The following RBFOX1 variants were observed in gnomAD, a reference collection of about 807,000 sequenced individuals.
RBFOX1 encodes the protein RNA binding protein fox-1 homolog 1.
RBFOX1 carries 8 observed loss-of-function variants against 57.7 expected under a neutral mutation model. That is an observed-to-expected ratio of 0.14 (90% CI 0.08 to 0.25). The LOEUF is 0.25. Ranked by LOEUF, RBFOX1 falls within the 10% of genes least tolerant of loss-of-function variation. The pLI is 1.00. For synonymous variants in RBFOX1, 326 were observed against 222.4 expected (o/e 1.47, Z -4.15); for missense variants, 611 against 548.5 (o/e 1.11, Z -1.14).
intron 1 of RBFOX1, among the ~76,000 whole-genome samples, chr16:6,089,484 G>A (rs1435069674): frequency 6.6e-6 from 1 of 152,220 alleles, no homozygotes; most frequent in African/African-American, 2.4e-5. Context: ...GTAGAAGCTG[G>A]TAGGGACTGC....
At chr16:5,535,987 T>C (rs1034215844) in intron 2 of RBFOX1, among the ~76,000 whole-genome samples, 2 of 152,156 alleles carry the variant, frequency 1.3e-5, no homozygotes, top group African/African-American at 4.8e-5. Context: ...TAAAAGTTTG[T>C]ACAGCCACAC....
chr16:6,544,370 G>A, intron 2 of RBFOX1, among the ~76,000 whole-genome samples: 1 of 152,144 alleles, frequency 6.6e-6, no homozygotes, highest in South Asian at 2.1e-4. Context: ...TTCCCCTCTT[G>A]CAATCTGAGG....
At chr16:6,735,378 AG>A (rs1160514137) in intron 3 of RBFOX1, among the ~76,000 whole-genome samples, 6 of 152,184 alleles carry the variant, frequency 3.9e-5, no homozygotes, top group African/African-American at 1.4e-4. Flanking sequence ...CCTACTATTC[AG>A]GGCTTTACTT....
At chr16:6,640,415 C>A (rs1327457860) in intron 2 of RBFOX1, among the ~76,000 whole-genome samples, 1 of 152,036 alleles carries the variant, frequency 6.6e-6, no homozygotes, top group Non-Finnish European at 1.5e-5. Context: ...GTGAGACCAG[C>A]CTGGCCAACA....
intron 2 of RBFOX1, among the ~76,000 whole-genome samples, chr16:5,477,973 C>T (rs2069390436): frequency 6.6e-6 from 1 of 152,124 alleles, no homozygotes; most frequent in Admixed American, 6.5e-5. Context: ...TCACCGTGGC[C>T]CACCTCACTC....
intron 1 of RBFOX1, among the ~76,000 whole-genome samples, chr16:6,252,221 C>T (rs1186234571): frequency 6.6e-6 from 1 of 152,088 alleles, no homozygotes; most frequent in South Asian, 2.1e-4. Context: ...GAGAGCCCTT[C>T]TGCCATTTCT....
intron 1 of RBFOX1, among the ~76,000 whole-genome samples, chr16:6,137,360 A>G (rs2096673996): frequency 6.6e-6 from 1 of 152,062 alleles, no homozygotes; most frequent in East Asian, 1.9e-4. Flanking sequence ...GGTGGAGTGT[A>G]GTGGCGTGAT....
rs546993473 is a variant in RBFOX1, at chr16:7,279,391, A to G, written c.27+227293A>G. Among the ~76,000 whole-genome samples, 5 of 152,182 alleles carry G rather than the reference A, an allele frequency of 3.3e-5. No individual in the cohort carries two copies. In the South Asian group the frequency reaches 8.3e-4, roughly 25 times the overall value. ...GGTCTCTTTGGGGCTTTGCTCTTGA[A>G]TTCATTTCTCTGTGCGTAAGCCAGG... On this transcript the variant is annotated intron_variant, in intron 4 of 15. Coordinates refer to ENST00000550418, the MANE Select transcript of RBFOX1 (RefSeq NM_018723.4).
At chr16:6,566,783 T>C (rs763413332) in intron 2 of RBFOX1, among the ~76,000 whole-genome samples, 7 of 152,206 alleles carry the variant, frequency 4.6e-5, no homozygotes, top group Non-Finnish European at 1.0e-4. Flanking sequence ...ACCCTTTGCT[T>C]ACTGTTTTAA....
At chr16:7,591,748 T>A (rs7498338) in intron 7 of RBFOX1, among the ~76,000 whole-genome samples, 143,646 of 152,294 alleles carry the variant, frequency 0.94, 68,053 homozygotes, top group African/African-American at 0.97. Context: ...ACCCAGCCCT[T>A]TGCCGAGCAA....
chr16:6,937,715 A>C (rs2077619126), intron 3 of RBFOX1, among the ~76,000 whole-genome samples: 1 of 152,132 alleles, frequency 6.6e-6, no homozygotes, highest in Admixed American at 6.5e-5. Flanking sequence ...TTATCGATAG[A>C]AAAGAATGTC....
intron 14 of RBFOX1, among the ~76,000 whole-genome samples, chr16:7,688,571 G>C (rs747681720): frequency 2.6e-5 from 4 of 151,970 alleles, no homozygotes; most frequent in Non-Finnish European, 5.9e-5. Flanking sequence ...TTCAGCTGTG[G>C]GTAATTTTTC....
intron 2 of RBFOX1, among the ~76,000 whole-genome samples, chr16:5,520,030 A>G (rs1383437297): frequency 1.3e-5 from 2 of 152,232 alleles, no homozygotes; most frequent in African/African-American, 2.4e-5. Context: ...TGATAAACGT[A>G]TAACTAAATG....
At chr16:7,171,938 G>T (rs139400514) in intron 4 of RBFOX1, among the ~76,000 whole-genome samples, 4 of 152,206 alleles carry the variant, frequency 2.6e-5, no homozygotes. Context: ...TTCCAGAGAG[G>T]AGATGTGGGC....
At chr16:6,548,654 G>A (rs529690324) in intron 2 of RBFOX1, among the ~76,000 whole-genome samples, 16 of 152,168 alleles carry the variant, frequency 1.1e-4, no homozygotes, top group Non-Finnish European at 1.8e-4. Context: ...GGAAGCACAC[G>A]GGGTAGACTT....
At chr16:6,563,082 C>G (rs1443620821) in intron 2 of RBFOX1, among the ~76,000 whole-genome samples, 1 of 151,936 alleles carries the variant, frequency 6.6e-6, no homozygotes, top group Non-Finnish European at 1.5e-5. Context: ...GGAGTATACT[C>G]ACTTCTTCCA....
chr16:6,674,914 C>G (rs1003182810), intron 3 of RBFOX1, among the ~76,000 whole-genome samples: 1 of 151,462 alleles, frequency 6.6e-6, no homozygotes, highest in South Asian at 2.1e-4. Context: ...TTTTGTTTGT[C>G]TTTTGTTTTT....
chr16:7,067,720 G>A (rs1288456084), intron 4 of RBFOX1, among the ~76,000 whole-genome samples: 8 of 127,632 alleles, frequency 6.3e-5, no homozygotes, highest in African/African-American at 2.4e-4. Context: ...AGAGTGTGAT[G>A]TTCCCCTTCC....
At chr16:6,472,169 G>C (rs1426742296) in intron 2 of RBFOX1, among the ~76,000 whole-genome samples, 1 of 152,174 alleles carries the variant, frequency 6.6e-6, no homozygotes, top group East Asian at 1.9e-4. Flanking sequence ...ACATTTCTTG[G>C]AGAGAATCTG....
Sources: allele counts gnomAD v4.1 joint callset (sites outside exome capture counted in the v4.1 genomes callset), GRCh38; gene constraint gnomAD v4.1.1; transcripts MANE v1.5; gene names NCBI Gene and HGNC (gene_info 2026-07-23, HGNC 2026-07-21).